The following PNPLA1 variants were observed in gnomAD, a reference collection of about 807,000 sequenced individuals.
PNPLA1 encodes patatin like domain 1, omega-hydroxyceramide transacylase, also known as omega-hydroxyceramide transacylase.
In PNPLA1, 36 loss-of-function variants were observed where a neutral mutation model predicts 51.7. The observed-to-expected ratio is 0.70, with a 90% CI of 0.53 to 0.92. The LOEUF is 0.92. Among genes scored for constraint, PNPLA1 ranks in the 40% least tolerant of loss-of-function variants. The probability of loss-of-function intolerance (pLI) is 0.00; values close to 1 mark genes in which losing one functional copy is unlikely to be tolerated. For synonymous variants in PNPLA1, 293 were observed against 280.1 expected (o/e 1.05, Z -0.46); for missense variants, 658 against 682.5 (o/e 0.96, Z 0.40).
intron 5 of PNPLA1, among the ~76,000 whole-genome samples, chr6:36,298,384 G>C (rs1349512911): frequency 2.0e-5 from 3 of 152,114 alleles, no homozygotes; most frequent in Non-Finnish European, 4.4e-5. Context: ...GGATTGCATG[G>C]TACATTCATG....
chr6:36,247,032 G>T (rs946395366), intron 1 of PNPLA1, among the ~76,000 whole-genome samples: 5 of 152,046 alleles, frequency 3.3e-5, no homozygotes, highest in African/African-American at 1.2e-4. Context: ...CCTGCCCCCT[G>T]CCTGGTGGTT....
At chr6:36,268,977 G>A (rs1026310046), upstream of PNPLA1, among the ~76,000 whole-genome samples, 7 of 148,030 alleles carry the variant, frequency 4.7e-5, no homozygotes, top group East Asian at 8.1e-4. Flanking sequence ...GCATACACAC[G>A]CATGTACGCA....
chr6:36,251,054 C>G (rs1367787635), intron 1 of PNPLA1, among the ~76,000 whole-genome samples: 1 of 151,952 alleles, frequency 6.6e-6, no homozygotes, highest in East Asian at 1.9e-4. Context: ...GCATCTCCAG[C>G]AAGGAGAGAA....
At chr6:36,245,622 G>A (rs775358011) in intron 1 of PNPLA1, among the ~76,000 whole-genome samples, 3 of 152,240 alleles carry the variant, frequency 2.0e-5, no homozygotes, top group Non-Finnish European at 4.4e-5. Flanking sequence ...CTGCCCCTGT[G>A]CCCAGCACAC....
chr6:36,278,353 T>C (rs972726443), intron 1 of PNPLA1, among the ~76,000 whole-genome samples: 10 of 152,364 alleles, frequency 6.6e-5, no homozygotes, highest in Non-Finnish European at 1.2e-4. Flanking sequence ...ATCTGTATTT[T>C]ATAGTTTCCC....
At chr6:36,251,911 C>G (rs1329176797) in intron 1 of PNPLA1, among the ~76,000 whole-genome samples, 1 of 152,132 alleles carries the variant, frequency 6.6e-6, no homozygotes, top group Non-Finnish European at 1.5e-5. Context: ...CACCACTGTA[C>G]TTCAGCCTGG....
At chr6:36,293,184 T>G in intron 3 of PNPLA1, 58 bp downstream of exon 3, 5 of 1,511,054 alleles carry the variant, frequency 3.3e-6, no homozygotes, top group South Asian at 1.1e-5. Flanking sequence ...CGGGTCCCTG[T>G]GACTCACACC....
chr6:36,268,518 C>T (rs1769815857), upstream of PNPLA1, among the ~76,000 whole-genome samples: 1 of 152,130 alleles, frequency 6.6e-6, no homozygotes, highest in Non-Finnish European at 1.5e-5. Flanking sequence ...CTGCAAGGGG[C>T]TCTTGCTGCT....
intron 1 of PNPLA1, among the ~76,000 whole-genome samples, chr6:36,261,913 C>G (rs866534809): frequency 1.3e-5 from 2 of 152,236 alleles, no homozygotes; most frequent in Non-Finnish European, 2.9e-5. Flanking sequence ...GGATGCTGAT[C>G]TGATCCCTTT....
At chr6:36,301,159 C>A (rs1350221754) in intron 5 of PNPLA1, among the ~76,000 whole-genome samples, 1 of 121,126 alleles carries the variant, frequency 8.3e-6, no homozygotes, top group Non-Finnish European at 1.6e-5. Context: ...CTCACTCTGT[C>A]ACCCAAGCTG....
At chr6:36,264,726 T>C (rs1769724806) in intron 1 of PNPLA1, among the ~76,000 whole-genome samples, 1 of 152,236 alleles carries the variant, frequency 6.6e-6, no homozygotes, top group African/African-American at 2.4e-5. Flanking sequence ...GGTATATGAA[T>C]GTTTGCTGCA....
chr6:36,295,330 G>A (rs2127347404), intron 4 of PNPLA1, 34 bp from the exon 5 acceptor site: 1 of 1,612,992 alleles, frequency 6.2e-7, no homozygotes, highest in South Asian at 1.1e-5. Flanking sequence ...CCTCCCCGCA[G>A]CCTTGGTAAT....
In PNPLA1 at chr6:36,295,782, C is replaced by G. The variant is rs149173997; in HGVS notation, c.775+358C>G. 5.1e-4 allele frequency among the ~76,000 whole-genome samples: 78 copies of G among 152,328 alleles called. 1 individual carries two copies. The Middle Eastern group carries it at 0.017, about 33-fold the overall frequency. On this transcript the variant is annotated intron_variant, in intron 5 of 8. Coordinates refer to ENST00000636260, the MANE Select transcript of PNPLA1 (RefSeq NM_001374623.1). ...TAATTTCATTCTCTTCCACTTTATT[C>G]TCTTTCTAGTAAAATCACATTATTA...
chr6:36,269,125 T>A (rs1412711810), upstream of PNPLA1, among the ~76,000 whole-genome samples: 1 of 152,206 alleles, frequency 6.6e-6, no homozygotes, highest in African/African-American at 2.4e-5. Context: ...TGCAGATAAG[T>A]GAGTCCACCA....
intron 1 of PNPLA1, among the ~76,000 whole-genome samples, chr6:36,277,626 C>T (rs954976524): frequency 2.6e-5 from 4 of 152,172 alleles, no homozygotes; most frequent in East Asian, 1.9e-4. Flanking sequence ...AATTATGGGA[C>T]GCTGAGGCGG....
chr6:36,245,813 G>A (rs1394331537), intron 1 of PNPLA1, among the ~76,000 whole-genome samples: 1 of 152,208 alleles, frequency 6.6e-6, no homozygotes, highest in Non-Finnish European at 1.5e-5. Flanking sequence ...TTTGGCCTTG[G>A]CCTCATTGGC....
chr6:36,295,545 T>A lies in PNPLA1; in HGVS notation c.775+121T>A. The A allele has an allele frequency of 4.7e-6, 5 of 1,069,056 alleles. No individual in the cohort carries two copies. The South Asian group carries it at 6.8e-5, about 14-fold the overall frequency. 66.2% of individuals were successfully genotyped at this position (1,069,056 alleles called of 1,614,324 possible). Reference sequence around the variant, plus strand: ...TTGTGACCCGGAGACGCCCTTCACCTGGGAGAGCTGGAAATGGGGGTGGGG... The same window carrying A: ...TTGTGACCCGGAGACGCCCTTCACCAGGGAGAGCTGGAAATGGGGGTGGGG... On this transcript the variant is annotated intron_variant, in intron 5 of 8. Transcript: ENST00000636260.
intron 1 of PNPLA1, among the ~76,000 whole-genome samples, chr6:36,276,688 C>T (rs1275889582): frequency 2.6e-5 from 4 of 152,180 alleles, no homozygotes; most frequent in Non-Finnish European, 4.4e-5. Flanking sequence ...CTTCTTGGCA[C>T]CTTTCTCCCC....
At chr6:36,249,672 C>T (rs889719976) in intron 1 of PNPLA1, among the ~76,000 whole-genome samples, 5 of 152,132 alleles carry the variant, frequency 3.3e-5, no homozygotes, top group African/African-American at 1.2e-4. Flanking sequence ...CTCTAGGCTC[C>T]CCTGAGATCT....
Sources: allele counts gnomAD v4.1 joint callset (sites outside exome capture counted in the v4.1 genomes callset), GRCh38; gene constraint gnomAD v4.1.1; transcripts MANE v1.5; gene names NCBI Gene and HGNC (gene_info 2026-07-23, HGNC 2026-07-21).